Variants in TRAPPC9 observed in about 807,000 individuals in gnomAD.
TRAPPC9 encodes trafficking protein particle complex subunit 9.
In TRAPPC9, 83 loss-of-function variants were observed where a neutral mutation model predicts 124.0. That is an observed-to-expected ratio of 0.67 (90% CI 0.56 to 0.80). The LOEUF (loss-of-function observed/expected upper bound fraction) is 0.80, where lower values mean the gene tolerates loss of function less well. Among genes scored for constraint, TRAPPC9 ranks in the 30% least tolerant of loss-of-function variants. TRAPPC9 has a pLI of 0.00. For synonymous variants in TRAPPC9, 638 were observed against 617.5 expected (o/e 1.03, Z -0.49); for missense variants, 1,302 against 1,508.3 (o/e 0.86, Z 2.27).
At chr8:140,373,602 C>T (rs183636654) in intron 7 of TRAPPC9, among the ~76,000 whole-genome samples, 19 of 151,738 alleles carry the variant, frequency 1.3e-4, no homozygotes, top group African/African-American at 4.4e-4. Context: ...AAGGTCATGC[C>T]GACGCCGACG....
intron 21 of TRAPPC9, among the ~76,000 whole-genome samples, chr8:139,829,947 T>A (rs953541427): frequency 1.3e-5 from 2 of 152,234 alleles, no homozygotes; most frequent in East Asian, 3.9e-4. Context: ...ACTTCCCAGG[T>A]CCTGGTACCA....
intron 5 of TRAPPC9, among the ~76,000 whole-genome samples, chr8:140,419,734 A>C (rs1308438909): frequency 6.6e-6 from 1 of 151,534 alleles, no homozygotes; most frequent in Non-Finnish European, 1.5e-5. Context: ...AAATACAAAA[A>C]AATTAGCCGG....
chr8:140,091,606 A>T (rs1261945569), intron 17 of TRAPPC9, among the ~76,000 whole-genome samples: 3 of 152,316 alleles, frequency 2.0e-5, no homozygotes, highest in African/African-American at 7.2e-5. Context: ...CCTCATTATA[A>T]AGTCAAGGAT....
At chr8:140,341,561 C>T (rs920790771) in intron 9 of TRAPPC9, among the ~76,000 whole-genome samples, 2 of 152,108 alleles carry the variant, frequency 1.3e-5, no homozygotes, top group Non-Finnish European at 2.9e-5. Context: ...CTTCAGTTTG[C>T]ATCAAAGGCT....
At chr8:140,095,459 C>T (rs957636044) in intron 17 of TRAPPC9, 2 of 152,194 alleles carry the variant, frequency 1.3e-5, no homozygotes, top group African/African-American at 4.8e-5. Context: ...TCAAGCAACA[C>T]TTCCCAGGGA....
At chr8:140,386,360 A>G (rs1031864322) in intron 7 of TRAPPC9, among the ~76,000 whole-genome samples, 4 of 152,222 alleles carry the variant, frequency 2.6e-5, no homozygotes, top group African/African-American at 9.6e-5. Flanking sequence ...TAATTAGGAA[A>G]AGAGGAAGTC....
At chr8:140,176,369 T>C (rs1305857877) in intron 17 of TRAPPC9, among the ~76,000 whole-genome samples, 1 of 152,228 alleles carries the variant, frequency 6.6e-6, no homozygotes, top group East Asian at 1.9e-4. Context: ...CCTCCTGTTA[T>C]GACAGTTTCA....
Position 139,805,254 on chromosome 8 carries a change from C to T in TRAPPC9, c.3056-73052G>A, listed in dbSNP as rs545724551. Among the ~76,000 whole-genome samples the T allele has an allele frequency of 4.3e-4, 65 of 152,298 alleles. 1 individual carries two copies. The highest frequency in any genetic ancestry group is 1.5e-3 in the African/African-American group (64 of 41,568). ...GTTTCAGTGGCTTTGTGGAATCTAGCGTGGCGTGAGGTGTGCCTGGGCTGC... is the reference window on the plus strand; with the variant it reads ...GTTTCAGTGGCTTTGTGGAATCTAGTGTGGCGTGAGGTGTGCCTGGGCTGC... On this transcript the variant is annotated intron_variant, in intron 21 of 22. Transcript: ENST00000438773.
chr8:139,738,965 G>A (rs954837371), intron 21 of TRAPPC9, among the ~76,000 whole-genome samples: 1 of 152,170 alleles, frequency 6.6e-6, no homozygotes, highest in Non-Finnish European at 1.5e-5. Flanking sequence ...ACAGAACAAG[G>A]TGTTCTAGGA....
chr8:140,279,731 G>A (rs1251447843), intron 14 of TRAPPC9, among the ~76,000 whole-genome samples: 3 of 152,132 alleles, frequency 2.0e-5, no homozygotes, highest in Non-Finnish European at 4.4e-5. Context: ...GGGGGTCAGA[G>A]GCATTATCTT....
chr8:139,835,432 G>A (rs1826268723), intron 21 of TRAPPC9, among the ~76,000 whole-genome samples: 1 of 152,228 alleles, frequency 6.6e-6, no homozygotes, highest in Admixed American at 6.5e-5. Flanking sequence ...TCCCTCCTGC[G>A]CCCCATTGTG....
chr8:140,359,017 C>G (rs1392878826), intron 9 of TRAPPC9, among the ~76,000 whole-genome samples: 10 of 152,192 alleles, frequency 6.6e-5, no homozygotes, highest in African/African-American at 2.4e-4. Context: ...CTGAAGAGAA[C>G]CACATCACCC....
intron 18 of TRAPPC9, among the ~76,000 whole-genome samples, chr8:140,011,204 G>T (rs1387778009): frequency 1.3e-5 from 2 of 151,860 alleles, no homozygotes; most frequent in South Asian, 4.2e-4. Flanking sequence ...GCTGGGCGTG[G>T]TGAGGCAGGC....
At chr8:140,096,884 T>G (rs891601728) in intron 17 of TRAPPC9, 1 of 152,190 alleles carries the variant, frequency 6.6e-6, no homozygotes, top group African/African-American at 2.4e-5. Flanking sequence ...GGACGTGGAC[T>G]GGACGTGAGA....
At chr8:140,236,026 T>C (rs2063721054) in intron 16 of TRAPPC9, among the ~76,000 whole-genome samples, 1 of 151,208 alleles carries the variant, frequency 6.6e-6, no homozygotes, top group African/African-American at 2.4e-5. Flanking sequence ...TATACAGTTG[T>C]GACACTTTAG....
chr8:139,927,537 C>T (rs4265163), intron 19 of TRAPPC9, among the ~76,000 whole-genome samples: 18,722 of 152,166 alleles, frequency 0.12, 1,304 homozygotes, highest in Admixed American at 0.19. Flanking sequence ...TGAGCCACTG[C>T]ACCTGACCTG....
rs2132704672 is a variant in TRAPPC9, at chr8:140,451,065, C to T, written c.309G>A (p.Lys103=). The change falls in exon 2 of 23, where the codon AAG becomes AAA. Residue 103 remains lysine, a synonymous_variant. Coordinates refer to ENST00000438773, the MANE Select transcript of TRAPPC9 (RefSeq NM_001160372.4). ...PQTFEKFHVQ[K]EIYGSTLYDS... is the part of the protein sequence containing the mutation. The stretch of plus-strand genomic sequence containing the variant: ...CATACAGTGTGGAGCCGTAGATCTC[C>T]TTCTGCACGTGGAACTTCTCAAAGG... 1.2e-6 allele frequency: 2 copies of T among 1,614,086 alleles called. No individual in the cohort carries two copies. The highest frequency in any genetic ancestry group is 3.3e-4 in the Middle Eastern group (2 of 6,062).
intron 19 of TRAPPC9, among the ~76,000 whole-genome samples, chr8:139,918,556 G>A (rs1179552707): frequency 2.0e-5 from 3 of 152,158 alleles, no homozygotes; most frequent in Admixed American, 6.5e-5. Flanking sequence ...CTCCCACCAC[G>A]GAGCCGGCTC....
chr8:140,005,192 T>C (rs1431444268), intron 18 of TRAPPC9, among the ~76,000 whole-genome samples: 1 of 152,200 alleles, frequency 6.6e-6, no homozygotes, highest in African/African-American at 2.4e-5. Context: ...TCAGGGTTTC[T>C]GAAACATAGC....
Sources: allele counts gnomAD v4.1 joint callset (sites outside exome capture counted in the v4.1 genomes callset), GRCh38; gene constraint gnomAD v4.1.1; transcripts MANE v1.5; gene names NCBI Gene and HGNC (gene_info 2026-07-23, HGNC 2026-07-21).